The following POLA1 variants were observed in gnomAD, a reference collection of about 807,000 sequenced individuals.
POLA1 encodes DNA polymerase alpha catalytic subunit.
A neutral mutation model predicts 124.0 loss-of-function variants in POLA1; 15 were observed. The ratio of observed to expected loss-of-function variants is 0.12; its 90% confidence interval spans 0.08 to 0.19. POLA1 has a LOEUF of 0.19. POLA1 is among the 10% of genes least tolerant of loss of function. POLA1 has a pLI of 1.00. For missense variants in POLA1, 886 were observed against 1,103.4 expected (o/e 0.80, Z 2.79); for synonymous variants, 408 against 389.4 (o/e 1.05, Z -0.56).
At chrX:24,739,338 T>C (rs1931492498) in intron 19 of POLA1, 37 bp from the exon 20 acceptor site, 3 of 1,036,806 alleles carry the variant, frequency 2.9e-6, no homozygotes, top group Admixed American at 5.7e-5. Flanking sequence ...CAGTGTCTGC[T>C]CTTTCATGAA....
In POLA1 at chrX:24,864,689, T is replaced by G. The variant is rs768553100; in HGVS notation, c.4047+21012T>G. Among the ~76,000 whole-genome samples, 37 of 110,911 alleles carry G rather than the reference T, an allele frequency of 3.3e-4. 1 individual carries two copies. Among genetic ancestry groups the G allele is most frequent in the Admixed American group, 8.6e-4 (9 of 10,456 alleles). On this transcript the variant is annotated intron_variant, in intron 34 of 36. Coordinates refer to ENST00000379068, the MANE Select transcript of POLA1 (RefSeq NM_001330360.2). Reference sequence around the variant, plus strand: ...CTTTAAGACCTAAACCCATCTCACTTCTAGGAAGCCTTTCGTGGACATCAC... The same window carrying G: ...CTTTAAGACCTAAACCCATCTCACTGCTAGGAAGCCTTTCGTGGACATCAC...
chrX:24,978,991 C>A (rs2048394731), intron 36 of POLA1, among the ~76,000 whole-genome samples: 1 of 111,834 alleles, frequency 8.9e-6, no homozygotes, highest in South Asian at 3.8e-4. Context: ...GTATTAAGAT[C>A]ATTGCATGAA....
At chrX:24,747,766 G>T (rs1271037054) in intron 24 of POLA1, among the ~76,000 whole-genome samples, 1 of 94,064 alleles carries the variant, frequency 1.1e-5, no homozygotes. Flanking sequence ...ACAGAGTTTC[G>T]CTGTGTAGCC....
intron 4 of POLA1, among the ~76,000 whole-genome samples, chrX:24,710,104 C>T (rs1025312392): frequency 4.6e-5 from 4 of 87,176 alleles, no homozygotes; most frequent in African/African-American, 8.4e-5. Context: ...TCCCGGGCGG[C>T]GCTCGCCGGC....
At chrX:24,791,361 A>T (rs2045492572) in intron 26 of POLA1, among the ~76,000 whole-genome samples, 1 of 112,068 alleles carries the variant, frequency 8.9e-6, no homozygotes, top group Admixed American at 9.4e-5. Flanking sequence ...TGAGTACGCT[A>T]AACTGTTAAA....
At chrX:24,882,325 T>G (rs1265708972) in intron 34 of POLA1, among the ~76,000 whole-genome samples, 2 of 112,103 alleles carry the variant, frequency 1.8e-5, no homozygotes, top group Non-Finnish European at 3.8e-5. Context: ...TTTAAAAATA[T>G]AACTCCAACT....
chrX:24,737,940 G>A (rs1228754912), intron 19 of POLA1, among the ~76,000 whole-genome samples, 199 bp downstream of exon 19: 1 of 99,498 alleles, frequency 1.0e-5, no homozygotes, highest in Non-Finnish European at 1.9e-5. Flanking sequence ...TTGGCCGGGC[G>A]CGGTGGCTCA....
At chrX:24,806,551 A>G (rs2045804856) in intron 26 of POLA1, among the ~76,000 whole-genome samples, 1 of 111,501 alleles carries the variant, frequency 9.0e-6, no homozygotes, top group African/African-American at 3.3e-5. Context: ...TGAAGAGTTG[A>G]CAAACTGTGG....
chrX:24,711,676 C>T (rs958029191), intron 4 of POLA1, among the ~76,000 whole-genome samples: 2 of 111,078 alleles, frequency 1.8e-5, no homozygotes, highest in Non-Finnish European at 3.8e-5. Context: ...CGGCTCATTG[C>T]AACCTCTGCC....
At chrX:24,972,779 G>C (rs1012454475) in intron 36 of POLA1, among the ~76,000 whole-genome samples, 6 of 112,328 alleles carry the variant, frequency 5.3e-5, no homozygotes, top group Non-Finnish European at 1.1e-4. Context: ...GACAAGATGA[G>C]AGAGTTTTTC....
intron 26 of POLA1, among the ~76,000 whole-genome samples, chrX:24,783,211 T>G (rs1251074845): frequency 2.7e-5 from 3 of 111,521 alleles, no homozygotes; most frequent in Non-Finnish European, 5.6e-5. Context: ...TCAGTACAAA[T>G]AAAGTGGTAT....
At chrX:24,694,609 A>G (rs1295525511) in intron 1 of POLA1, among the ~76,000 whole-genome samples, 1 of 112,519 alleles carries the variant, frequency 8.9e-6, no homozygotes, top group Non-Finnish European at 1.9e-5. Context: ...GAAGTTTCAA[A>G]AAAATGGCAT....
Position 24,801,736 on chromosome X carries a change from C to A in POLA1, c.2965-8162C>A, listed in dbSNP as rs1381731124. 8.1e-5 allele frequency among the ~76,000 whole-genome samples: 9 copies of A among 111,382 alleles called. No homozygotes were observed. The South Asian group carries it at 1.2e-3, about 14-fold the overall frequency. On this transcript the variant is annotated intron_variant, in intron 26 of 36. Transcript: ENST00000379068. ...TACATACATCGTTAAATTTAATGCTCACAGTAGCCCTATTAGGAAGCTTCA... is the reference window on the plus strand; with the variant it reads ...TACATACATCGTTAAATTTAATGCTAACAGTAGCCCTATTAGGAAGCTTCA...
chrX:24,824,034 A>G (rs2046133079), intron 31 of POLA1, among the ~76,000 whole-genome samples: 1 of 111,933 alleles, frequency 8.9e-6, no homozygotes, highest in African/African-American at 3.3e-5. Flanking sequence ...TAATTATTTT[A>G]AGGGGCCCAC....
At chrX:24,717,977 A>G (rs889021277) in intron 10 of POLA1, among the ~76,000 whole-genome samples, 3 of 110,990 alleles carry the variant, frequency 2.7e-5, no homozygotes, top group African/African-American at 6.6e-5. Context: ...ACACTCATTC[A>G]TTGTAAAGTG....
intron 35 of POLA1, among the ~76,000 whole-genome samples, chrX:24,894,788 C>CTTTTTTTTTT (rs761056089): frequency 7.1e-5 from 7 of 98,595 alleles, no homozygotes; most frequent in East Asian, 3.1e-4. Flanking sequence ...CTTTTCTTTT[C>CTTTTTTTTTT]TTTTTTTTTT....
intron 36 of POLA1, among the ~76,000 whole-genome samples, chrX:24,940,070 G>A (rs371246375): frequency 3.6e-5 from 4 of 111,714 alleles, no homozygotes; most frequent in Non-Finnish European, 5.7e-5. Context: ...ATGAGCAAAC[G>A]TATCAAGAGA....
chrX:24,817,797 A>T (rs1182627322), intron 30 of POLA1, among the ~76,000 whole-genome samples: 1 of 110,631 alleles, frequency 9.0e-6, no homozygotes, highest in African/African-American at 3.3e-5. Context: ...TATATCCTGA[A>T]CATCTTTAAC....
intron 24 of POLA1, among the ~76,000 whole-genome samples, chrX:24,747,158 C>CTT (rs762280757): frequency 1.3e-4 from 13 of 100,216 alleles, no homozygotes; most frequent in African/African-American, 4.4e-4. Context: ...CTCCAAGCTC[C>CTT]TTTTTTTTTT....
Sources: gnomAD v4.1 joint callset for allele counts (sites outside exome capture counted in the v4.1 genomes callset) on GRCh38, gnomAD v4.1.1 for gene constraint, MANE v1.5 for transcripts, NCBI Gene and HGNC (gene_info 2026-07-23, HGNC 2026-07-21) for gene names.